The following ADAMTSL1 variants were observed in gnomAD, a reference collection of about 807,000 sequenced individuals.
ADAMTSL1 encodes the protein ADAMTS-like protein 1.
A neutral mutation model predicts 201.8 loss-of-function variants in ADAMTSL1; 126 were observed. The observed-to-expected ratio is 0.62, with a 90% confidence interval of 0.54 to 0.72. The LOEUF (loss-of-function observed/expected upper bound fraction) is 0.72, where lower values mean the gene tolerates loss of function less well. Among genes scored for constraint, ADAMTSL1 ranks in the 30% least tolerant of loss-of-function variants. The pLI, the probability that ADAMTSL1 is intolerant of heterozygous loss-of-function variation, is 0.00. For synonymous variants in ADAMTSL1, 1,121 were observed against 903.4 expected (o/e 1.24, Z -4.32); for missense variants, 2,679 against 2,277.8 (o/e 1.18, Z -3.59).
At position 18,154,659 on chromosome 9, in the gene ADAMTSL1, T is replaced by C. The variant is rs865790461; in HGVS notation, c.88-9203T>C. On this transcript the variant is annotated intron_variant, in intron 1 of 29. Coordinates refer to the ADAMTSL1 transcript ENST00000680146. ...ATAAATATATTCAGCAGTCTGATTC[T>C]CTTCCCCCGAGGAATACATGGACTG... is the stretch of plus-strand genomic sequence containing the variant. Among the ~76,000 whole-genome samples the C allele has an allele frequency of 1.1e-4, 16 of 152,088 alleles. 1 individual carries two copies. Among genetic ancestry groups the C allele is most frequent in the African/African-American group, 3.6e-4 (15 of 41,444 alleles).
chr9:18,778,440 T>C (rs1358634142), intron 19 of ADAMTSL1, among the ~76,000 whole-genome samples: 2 of 152,246 alleles, frequency 1.3e-5, no homozygotes, highest in African/African-American at 4.8e-5. Context: ...GGACCTGTGA[T>C]TGATTATCCT....
At chr9:18,885,955 T>C (rs1289671102) in intron 23 of ADAMTSL1, among the ~76,000 whole-genome samples, 1 of 151,612 alleles carries the variant, frequency 6.6e-6, no homozygotes, top group Non-Finnish European at 1.5e-5. Context: ...TTCCCAATCT[T>C]GTGTAAATTT....
intron 13 of ADAMTSL1, among the ~76,000 whole-genome samples, chr9:18,691,220 C>G (rs546836103): frequency 2.2e-4 from 33 of 152,268 alleles, no homozygotes; most frequent in Non-Finnish European, 4.4e-4. Context: ...AGAATTGCAT[C>G]TACCTCTAAG....
At chr9:17,943,003 C>T (rs2131351649) in intron 1 of ADAMTSL1, among the ~76,000 whole-genome samples, 1 of 152,228 alleles carries the variant, frequency 6.6e-6, no homozygotes, top group African/African-American at 2.4e-5. Flanking sequence ...CTTACTGCAG[C>T]CTCAATCTCC....
intron 1 of ADAMTSL1, among the ~76,000 whole-genome samples, chr9:18,132,624 G>A (rs942035475): frequency 3.3e-5 from 5 of 152,104 alleles, no homozygotes; most frequent in Non-Finnish European, 7.4e-5. Context: ...ACTTCTCCAA[G>A]TGGGCTTCTT....
At chr9:18,467,474 T>C in intron 2 of ADAMTSL1, among the ~76,000 whole-genome samples, 1 of 152,054 alleles carries the variant, frequency 6.6e-6, no homozygotes, top group East Asian at 1.9e-4. Context: ...AATAAAACAA[T>C]GGGAAAGACT....
intron 1 of ADAMTSL1, among the ~76,000 whole-genome samples, chr9:17,967,057 TG>T (rs1482701025): frequency 6.6e-6 from 1 of 152,150 alleles, no homozygotes; most frequent in Non-Finnish European, 1.5e-5. Context: ...TTCTAAAAGT[TG>T]TAATATCCTT....
chr9:18,661,152 G>C (rs1829066076), intron 8 of ADAMTSL1, among the ~76,000 whole-genome samples: 1 of 151,984 alleles, frequency 6.6e-6, no homozygotes, highest in Non-Finnish European at 1.5e-5. Flanking sequence ...AGGTAGGAAA[G>C]ATAAAACATA....
intron 2 of ADAMTSL1, among the ~76,000 whole-genome samples, chr9:18,423,098 T>G (rs1372319894): frequency 2.0e-5 from 3 of 152,208 alleles, no homozygotes; most frequent in African/African-American, 7.2e-5. Context: ...TCTCTTTAAT[T>G]AAATTTTCCG....
intron 2 of ADAMTSL1, among the ~76,000 whole-genome samples, chr9:18,210,510 T>C (rs996682881): frequency 6.8e-6 from 1 of 147,074 alleles, no homozygotes; most frequent in Non-Finnish European, 1.5e-5. Context: ...ATATATGATA[T>C]ATATTAATAA....
chr9:18,075,806 G>C (rs893373699), intron 1 of ADAMTSL1, among the ~76,000 whole-genome samples: 2 of 152,160 alleles, frequency 1.3e-5, no homozygotes, highest in African/African-American at 4.8e-5. Flanking sequence ...GCTGAGTGTT[G>C]AACTAATACA....
chr9:18,484,174 C>T (rs1263984360), intron 1 of ADAMTSL1, among the ~76,000 whole-genome samples: 1 of 152,202 alleles, frequency 6.6e-6, no homozygotes. Flanking sequence ...TTGAACAAAA[C>T]AGACATGGTC....
chr9:17,980,964 C>T (rs1818667270), intron 1 of ADAMTSL1, among the ~76,000 whole-genome samples: 2 of 152,090 alleles, frequency 1.3e-5, no homozygotes, highest in Admixed American at 1.3e-4. Flanking sequence ...TCTTGACAAC[C>T]AGCTTTTGGG....
At chr9:18,381,610 T>G (rs1837557532) in intron 2 of ADAMTSL1, among the ~76,000 whole-genome samples, 1 of 152,028 alleles carries the variant, frequency 6.6e-6, no homozygotes, top group Admixed American at 6.6e-5. Context: ...AAGAAAGAAT[T>G]TTCTTCTTTT....
intron 27 of ADAMTSL1, among the ~76,000 whole-genome samples, 195 bp downstream of exon 27, chr9:18,906,086 G>A (rs1410466605): frequency 6.6e-6 from 1 of 152,136 alleles, no homozygotes. Flanking sequence ...TTATCTAATG[G>A]GCTAGGCTGG....
intron 23 of ADAMTSL1, among the ~76,000 whole-genome samples, chr9:18,831,094 TTTTCATCTGA>T (rs1824949054): frequency 6.6e-6 from 1 of 152,208 alleles, no homozygotes; most frequent in South Asian, 2.1e-4. Context: ...TCAATTTTCG[TTTTCATCTGA>T]AACTTGCAAA....
At chr9:18,671,552 C>A (rs927420595) in intron 9 of ADAMTSL1, among the ~76,000 whole-genome samples, 1 of 151,978 alleles carries the variant, frequency 6.6e-6, no homozygotes, top group East Asian at 1.9e-4. Context: ...GAATGGTGGT[C>A]GTGATAACAG....
chr9:18,603,080 A>G (rs1310907214), intron 4 of ADAMTSL1, among the ~76,000 whole-genome samples: 4 of 152,284 alleles, frequency 2.6e-5, no homozygotes, highest in Admixed American at 2.6e-4. Context: ...ACATCCACTT[A>G]CTTTTGTTCT....
rs1433443909 is a variant in ADAMTSL1, at chr9:18,154,220, C to T, written c.88-9642C>T. On this transcript the variant is annotated intron_variant, in intron 1 of 29. Transcript: ENST00000680146. ...ATATGCTACCATGGTGTTCCATTGA[C>T]CTATTGTTATGTAATAAACCAACCC... Among the ~76,000 whole-genome samples, 3 of 152,092 alleles carry T rather than the reference C, an allele frequency of 2.0e-5. No individual in the cohort carries two copies. In the East Asian group the frequency reaches 5.8e-4, roughly 30 times the overall value.
Sources: gnomAD v4.1 joint callset for allele counts (sites outside exome capture counted in the v4.1 genomes callset) on GRCh38, gnomAD v4.1.1 for gene constraint, MANE v1.5 for transcripts, NCBI Gene and HGNC (gene_info 2026-07-23, HGNC 2026-07-21) for gene names.